Variants in MRAS observed in about 807,000 individuals in gnomAD.
The protein encoded by MRAS is ras-related protein M-Ras.
MRAS carries 4 observed loss-of-function variants against 20.9 expected under a neutral mutation model. That is an observed-to-expected ratio of 0.19 (90% CI 0.09 to 0.44). The LOEUF is 0.44. MRAS is among the 20% of genes least tolerant of loss of function. The pLI, the probability that MRAS is intolerant of heterozygous loss-of-function variation, is 0.99. For missense variants in MRAS, 154 were observed against 277.5 expected (o/e 0.56, Z 3.16); for synonymous variants, 98 against 102.9 (o/e 0.95, Z 0.29).
At chr3:138,357,971 T>C (rs2054368910) in intron 1 of MRAS, among the ~76,000 whole-genome samples, 1 of 152,180 alleles carries the variant, frequency 6.6e-6, no homozygotes, top group South Asian at 2.1e-4. Context: ...AAACTCCAAA[T>C]TTTCATTACT....
intron 2 of MRAS, among the ~76,000 whole-genome samples, chr3:138,384,432 A>G (rs914292413): frequency 2.0e-5 from 3 of 152,198 alleles, no homozygotes; most frequent in African/African-American, 7.2e-5. Context: ...GGAGGAAACG[A>G]CAGGATTTGT....
chr3:138,368,316 G>C (rs1363007480), intron 1 of MRAS, among the ~76,000 whole-genome samples: 1 of 152,170 alleles, frequency 6.6e-6, no homozygotes, highest in Non-Finnish European at 1.5e-5. Flanking sequence ...ATATGTGTGT[G>C]TGTGCTCCCT....
At chr3:138,379,554 C>T (rs2054857049) in intron 2 of MRAS, among the ~76,000 whole-genome samples, 1 of 152,108 alleles carries the variant, frequency 6.6e-6, no homozygotes, top group Admixed American at 6.6e-5. Context: ...GATGGGGTTT[C>T]ACCATCTTGG....
In MRAS at chr3:138,386,473, G is replaced by T. The variant is rs183467112; in HGVS notation, c.194-10851G>T. ...CTTTTTTATGATATTCTAGTGTACG[G>T]ATATACTACATTTTGTTTTTTGTTT... On this transcript the variant is annotated intron_variant, in intron 2 of 5. Transcript: ENST00000423968. Among the ~76,000 whole-genome samples the T allele has an allele frequency of 3.9e-5, 6 of 152,232 alleles. No homozygotes were observed. The East Asian group carries it at 1.2e-3, about 29-fold the overall frequency.
chr3:138,398,998 C>T (rs1203036521), intron 4 of MRAS, among the ~76,000 whole-genome samples: 1 of 152,236 alleles, frequency 6.6e-6, no homozygotes, highest in Non-Finnish European at 1.5e-5. Context: ...TGCACGTTGT[C>T]CTGACTTACA....
chr3:138,347,781 C>CG (rs1461823063), upstream of MRAS: 13 of 152,064 alleles, frequency 8.5e-5, no homozygotes, highest in Non-Finnish European at 1.8e-4. Flanking sequence ...TTAGTAGAGA[C>CG]GGGGTTTCAC....
chr3:138,348,393 C>G (rs534006219), upstream of MRAS: 17 of 152,222 alleles, frequency 1.1e-4, no homozygotes, highest in Non-Finnish European at 1.5e-5. Context: ...CGCGCCCTGC[C>G]GGGCCCAGGG....
intron 2 of MRAS, among the ~76,000 whole-genome samples, chr3:138,384,271 C>T (rs962857902): frequency 2.0e-5 from 3 of 152,114 alleles, no homozygotes; most frequent in South Asian, 4.1e-4. Context: ...CCTGGCCTGG[C>T]GAGTGAGAAG....
intron 2 of MRAS, among the ~76,000 whole-genome samples, chr3:138,385,376 G>A (rs912447300): frequency 2.1e-4 from 32 of 150,638 alleles, no homozygotes; most frequent in African/African-American, 7.8e-4. Context: ...CAAACTCCAG[G>A]GCTCAAGTGA....
At chr3:138,352,351 C>T (rs1560157918) in intron 1 of MRAS, among the ~76,000 whole-genome samples, 1 of 152,200 alleles carries the variant, frequency 6.6e-6, no homozygotes, top group Non-Finnish European at 1.5e-5. Context: ...CCCCTAGGGC[C>T]ATTTAGCTGG....
At chr3:138,396,893 T>C (rs1263079444) in intron 2 of MRAS, among the ~76,000 whole-genome samples, 2 of 152,068 alleles carry the variant, frequency 1.3e-5, no homozygotes, top group African/African-American at 4.8e-5. Flanking sequence ...TTTTCATTGA[T>C]AGAGGAGGAA....
At chr3:138,360,791 G>C (rs899257019) in intron 1 of MRAS, among the ~76,000 whole-genome samples, 1 of 152,218 alleles carries the variant, frequency 6.6e-6, no homozygotes, top group African/African-American at 2.4e-5. Flanking sequence ...TCTCTGAGCA[G>C]AAAGCTGTGC....
At chr3:138,388,234 A>G (rs1337820012) in intron 2 of MRAS, among the ~76,000 whole-genome samples, 1 of 152,208 alleles carries the variant, frequency 6.6e-6, no homozygotes, top group African/African-American at 2.4e-5. Flanking sequence ...TTACCCAGAA[A>G]GGGGAGCGCA....
At position 138,402,663 on chromosome 3, in the gene MRAS, C is replaced by G. The variant is rs1388028168; in HGVS notation, c.*394C>G. 1 of 174,028 alleles carries G rather than the reference C, an allele frequency of 5.7e-6. No individual in the cohort carries two copies. Among genetic ancestry groups the G allele is most frequent in the Non-Finnish European group, 1.2e-5 (1 of 82,496 alleles). The allele number at this position is 174,028 out of a possible 1,614,324, so 10.8% of individuals were successfully genotyped here. ...CATGAACAAGCTTCTTTCCCTTACC[C>G]CCCATCCACAATGTCTGAGCTTGGA... On this transcript the variant is annotated 3_prime_UTR_variant, in exon 6 of 6. Transcript: ENST00000423968.
At chr3:138,394,334 C>G (rs928735245) in intron 2 of MRAS, among the ~76,000 whole-genome samples, 1 of 152,192 alleles carries the variant, frequency 6.6e-6, no homozygotes, top group African/African-American at 2.4e-5. Flanking sequence ...CAGAAGTAGC[C>G]ATGAGCTGCT....
At chr3:138,382,771 C>T (rs748032506) in intron 2 of MRAS, among the ~76,000 whole-genome samples, 4 of 152,224 alleles carry the variant, frequency 2.6e-5, no homozygotes, top group African/African-American at 4.8e-5. Context: ...AGTGTTTTTC[C>T]ACTTTCCTTG....
At chr3:138,360,271 A>C (rs1045417911) in intron 1 of MRAS, among the ~76,000 whole-genome samples, 5 of 152,174 alleles carry the variant, frequency 3.3e-5, no homozygotes, top group Non-Finnish European at 7.4e-5. Flanking sequence ...GGCCTGTGAG[A>C]TGCAGAGGGA....
At chr3:138,363,829 C>A (rs1048612322) in intron 1 of MRAS, among the ~76,000 whole-genome samples, 3 of 116,524 alleles carry the variant, frequency 2.6e-5, no homozygotes, top group Middle Eastern at 3.9e-3. Flanking sequence ...ACCCCCCCCC[C>A]CCCCCAAACC....
Position 138,352,901 on chromosome 3 carries a change from G to T in MRAS, c.-19+4134G>T, listed in dbSNP as rs546176629. Among the ~76,000 whole-genome samples the T allele has an allele frequency of 2.0e-5, 3 of 152,178 alleles. No homozygotes were observed. The South Asian group carries it at 6.2e-4, about 32-fold the overall frequency. On this transcript the variant is annotated intron_variant, in intron 1 of 5. Coordinates refer to ENST00000423968, the MANE Select transcript of MRAS (RefSeq NM_001085049.3). ...CCCAGGCTGCATCTGTGACTTCTCTGCCCAGCCCTCAGTGTCGTCATGGGG... is the reference window on the plus strand; with the variant it reads ...CCCAGGCTGCATCTGTGACTTCTCTTCCCAGCCCTCAGTGTCGTCATGGGG...
Sources: allele counts gnomAD v4.1 joint callset (sites outside exome capture counted in the v4.1 genomes callset), GRCh38; gene constraint gnomAD v4.1.1; transcripts MANE v1.5; gene names NCBI Gene and HGNC (gene_info 2026-07-23, HGNC 2026-07-21).